Variants in OCIAD2 observed in about 807,000 individuals in gnomAD.
OCIAD2 encodes OCIA domain-containing protein 2.
Under a neutral mutation model 22.9 loss-of-function variants are expected in OCIAD2, and 29 were observed. That is an observed-to-expected ratio of 1.27 (90% CI 0.94 to 1.73). The LOEUF is 1.73. Ranked by LOEUF, OCIAD2 falls within the 40% of genes most tolerant of loss-of-function variation. OCIAD2 has a pLI of 0.00. For synonymous variants in OCIAD2, 67 were observed against 60.2 expected, an observed-to-expected ratio of 1.11 and a Z score of -0.52; for missense variants, 189 against 180.3, an observed-to-expected ratio of 1.05 and a Z score of -0.28.
chr4:48,901,441 C>A (rs1781415853), intron 2 of OCIAD2, among the ~76,000 whole-genome samples: 1 of 152,052 alleles, frequency 6.6e-6, no homozygotes, highest in Non-Finnish European at 1.5e-5. Context: ...GCTCCGCAGC[C>A]TGTGTAAGAG....
At chr4:48,901,451 G>A (rs1419880129) in intron 2 of OCIAD2, among the ~76,000 whole-genome samples, 1 of 152,166 alleles carries the variant, frequency 6.6e-6, no homozygotes, top group African/African-American at 2.4e-5. Context: ...CTGTGTAAGA[G>A]CTAGGTATGG....
chr4:48,895,980 C>T (rs557552312), intron 4 of OCIAD2, among the ~76,000 whole-genome samples: 3 of 151,292 alleles, frequency 2.0e-5, no homozygotes, highest in South Asian at 2.1e-4. Context: ...TGTAGTGAGC[C>T]GAGATCACAC....
intron 3 of OCIAD2, 70 bp downstream of exon 3, chr4:48,899,759 G>C: frequency 1.9e-6 from 2 of 1,057,188 alleles, no homozygotes; most frequent in Non-Finnish European, 2.9e-6. Context: ...TCAAACGTAA[G>C]TCATTACCAC....
chr4:48,892,784 G>T lies in OCIAD2; in HGVS notation c.371C>A (p.Pro124Gln). Residue 124 changes from proline to glutamine, a missense_variant, in exon 6 of 7, where the codon CCA (proline) becomes CAA (glutamine). Transcript: ENST00000508632. ...ACAGATTACAAACCTGTTATGCTGT[G>T]GACCAAAACCAGCCCCACGGAGCTG... ...EDQLRGAGFG[P>Q]QHNRHCLLTC... is the part of the protein sequence containing the mutation. 1 of 1,581,960 alleles carries T rather than the reference G, an allele frequency of 6.3e-7. No individual in the cohort carries two copies. The highest frequency in any genetic ancestry group is 8.7e-7 in the Non-Finnish European group (1 of 1,153,110).
rs772397802 is a variant in OCIAD2, at chr4:48,885,584, TAGAC to T, written c.384-23_384-20del. 2.4e-5 allele frequency: 34 copies of T among 1,411,652 alleles called. No individual in the cohort carries two copies. The highest frequency in any genetic ancestry group is 3.1e-5 in the Non-Finnish European group (31 of 997,390). 87.4% of individuals were successfully genotyped at this position (1,411,652 alleles called of 1,614,324 possible). A position where few individuals can be genotyped will look rare whatever the true frequency, so the allele number is the denominator to read the frequency against. ...GCAGTGCCTAGAAGAGAAGCAAAAA[TAGAC>T]AGCGGTTTGTACTTTGACACTGGAA... On this transcript the variant is annotated intron_variant, in intron 6 of 6. Coordinates refer to ENST00000508632, the MANE Select transcript of OCIAD2 (RefSeq NM_001014446.3).
At chr4:48,890,569 A>G (rs1163824920) in intron 6 of OCIAD2, among the ~76,000 whole-genome samples, 1 of 152,216 alleles carries the variant, frequency 6.6e-6, no homozygotes, top group African/African-American at 2.4e-5. Flanking sequence ...TTTCTGGCTT[A>G]TAGTTTGCCT....
intron 2 of OCIAD2, among the ~76,000 whole-genome samples, chr4:48,901,594 ATC>A (rs1487171188): frequency 5.5e-4 from 84 of 152,280 alleles, no homozygotes; most frequent in Non-Finnish European, 3.8e-4. Context: ...GTGTTTGACT[ATC>A]TCTACATATT....
chr4:48,901,946 C>T (rs1350761221), intron 2 of OCIAD2, among the ~76,000 whole-genome samples: 1 of 151,642 alleles, frequency 6.6e-6, no homozygotes, highest in Admixed American at 6.6e-5. Flanking sequence ...CTGGGGGAGG[C>T]GTGGGGGGGG....
chr4:48,897,962 G>A (rs1300397728), intron 3 of OCIAD2, 105 bp from the exon 4 acceptor site: 31 of 761,374 alleles, frequency 4.1e-5, no homozygotes, highest in Non-Finnish European at 4.5e-5. Context: ...TTCCTTGGCA[G>A]TGAATTTTTA....
At chr4:48,889,208 A>G (rs1287319977) in intron 6 of OCIAD2, among the ~76,000 whole-genome samples, 1 of 151,998 alleles carries the variant, frequency 6.6e-6, no homozygotes, top group Non-Finnish European at 1.5e-5. Flanking sequence ...TTTTTATTGC[A>G]TCTATTTGAT....
Position 48,889,507 on chromosome 4 carries a change from G to T in OCIAD2, c.383+3265C>A, listed in dbSNP as rs78406428. The stretch of plus-strand genomic sequence containing the variant: ...TGCAGCCAACAGACACATGAAAAAG[G>T]CTCACCATCACTGGTCATCAGAGAA... On this transcript the variant is annotated intron_variant, in intron 6 of 6. Transcript: ENST00000508632. Among the ~76,000 whole-genome samples the T allele has an allele frequency of 3.1e-3, 475 of 152,282 alleles. 1 individual carries two copies. The highest frequency in any genetic ancestry group is 0.011 in the African/African-American group (445 of 41,570).
chr4:48,903,452 T>C (rs1354138033), intron 2 of OCIAD2, among the ~76,000 whole-genome samples: 1 of 151,962 alleles, frequency 6.6e-6, no homozygotes, highest in Non-Finnish European at 1.5e-5. Context: ...GCCTGGGCAA[T>C]ATAATGAGAC....
At chr4:48,902,770 T>C (rs1368125420) in intron 2 of OCIAD2, among the ~76,000 whole-genome samples, 1 of 152,044 alleles carries the variant, frequency 6.6e-6, no homozygotes, top group Non-Finnish European at 1.5e-5. Flanking sequence ...CTCGCCAACA[T>C]GGTGAAACTT....
intron 5 of OCIAD2, chr4:48,893,335 T>C (rs1781224815): frequency 6.5e-6 from 1 of 152,702 alleles, no homozygotes; most frequent in Non-Finnish European, 1.5e-5. Context: ...GACCCTCCTA[T>C]GGAAGAGATC....
At position 48,885,535 on chromosome 4, in the gene OCIAD2, T is replaced by C. The variant is rs1780958076; in HGVS notation, c.414A>G (p.Lys138=). 1 of 1,610,950 alleles carries C rather than the reference T, an allele frequency of 6.2e-7. No individual in the cohort carries two copies. Among genetic ancestry groups the C allele is most frequent in the East Asian group, 2.2e-5 (1 of 44,880 alleles). ...RHCLLTCEEC[K]IKHGLSEKGD... is the part of the protein sequence containing the mutation. ...CCTTCTCACTTAATCCATGCTTTAT[T>C]TTGCATTCCTCACAGGTAAGGAGGC... The change falls in exon 7 of 7, where the codon AAA becomes AAG. Residue 138 remains lysine, a synonymous_variant. Transcript: ENST00000508632.
At chr4:48,899,040 T>A (rs2109679838) in intron 3 of OCIAD2, among the ~76,000 whole-genome samples, 1 of 152,276 alleles carries the variant, frequency 6.6e-6, no homozygotes, top group African/African-American at 2.4e-5. Flanking sequence ...GCACAGTCAG[T>A]AATCCCATAA....
At chr4:48,892,577 A>G (rs1305747386) in intron 6 of OCIAD2, among the ~76,000 whole-genome samples, 195 bp downstream of exon 6, 1 of 152,220 alleles carries the variant, frequency 6.6e-6, no homozygotes, top group African/African-American at 2.4e-5. Flanking sequence ...TATTTATCAA[A>G]CAAATGAAAT....
intron 6 of OCIAD2, among the ~76,000 whole-genome samples, chr4:48,887,096 G>C (rs1408504334): frequency 2.0e-5 from 3 of 152,234 alleles, no homozygotes; most frequent in African/African-American, 7.2e-5. Flanking sequence ...GGTCAGTGAT[G>C]ATGAGCATTT....
At position 48,885,363 on chromosome 4, in the gene OCIAD2, G is replaced by C; in HGVS notation, c.*121C>G. On this transcript the variant is annotated 3_prime_UTR_variant, in exon 7 of 7. Transcript: ENST00000508632. Reference sequence around the variant, plus strand: ...AAAGCCTTCCACGGAATACATTTCAGTGAGTGACAGACACAATGTTTTTGT... The same window carrying C: ...AAAGCCTTCCACGGAATACATTTCACTGAGTGACAGACACAATGTTTTTGT... 1 of 708,840 alleles carries C rather than the reference G, an allele frequency of 1.4e-6. No individual in the cohort carries two copies. Among genetic ancestry groups the C allele is most frequent in the Non-Finnish European group, 2.6e-6 (1 of 391,866 alleles). 43.9% of individuals were successfully genotyped at this position (708,840 alleles called of 1,614,324 possible).
Sources: allele counts gnomAD v4.1 joint callset (sites outside exome capture counted in the v4.1 genomes callset), GRCh38; gene constraint gnomAD v4.1.1; transcripts MANE v1.5; gene names NCBI Gene and HGNC (gene_info 2026-07-23, HGNC 2026-07-21).